AMY2A: variants seen among roughly 807,000 people sequenced by gnomAD.
The protein encoded by AMY2A is amylase alpha 2A, also known as pancreatic alpha-amylase.
Under a neutral mutation model 43.0 loss-of-function variants are expected in AMY2A, and 16 were observed. The observed-to-expected ratio is 0.37, with a 90% CI of 0.25 to 0.56. The LOEUF (loss-of-function observed/expected upper bound fraction) is 0.56. Among genes scored for constraint, AMY2A ranks in the 20% least tolerant of loss-of-function variants. The pLI is 0.77. For missense variants in AMY2A, 212 were observed against 456.8 expected (o/e 0.46, Z 4.89); for synonymous variants, 70 against 144.6 (o/e 0.48, Z 3.70).
At position 103,617,985 on chromosome 1, in the gene AMY2A, A is replaced by G. The variant is rs1204675485; in HGVS notation, c.200A>G (p.Tyr67Cys). The change falls in exon 2 of 10, where the codon TAC becomes TGC. Residue 67 changes from tyrosine (Y) to cysteine (C), a missense_variant. Physicochemically the swap from Tyr to Cys is radical, Grantham distance 194 (BLOSUM62 -2). Around this residue, in one of 2 missense-constraint regions of AMY2A, gnomAD observed 199 missense variants for 210.6 expected, o/e 0.94. Coordinates refer to ENST00000414303, the MANE Select transcript of AMY2A (RefSeq NM_000699.4). ...VSPPNENVAI[Y>C]NPFRPWWERY... Reference sequence around the variant, plus strand: ...CCACCAAATGAAAATGTTGCAATTTACAACCCTTTCAGACCTTGGTGGGAA... The same window carrying G: ...CCACCAAATGAAAATGTTGCAATTTGCAACCCTTTCAGACCTTGGTGGGAA... 1.0e-5 allele frequency: 16 copies of G among 1,600,726 alleles called. No individual in the cohort carries two copies. The highest frequency in any genetic ancestry group is 1.4e-5 in the Non-Finnish European group (16 of 1,170,748).
At position 103,617,582 on chromosome 1, in the gene AMY2A, G is replaced by C; in HGVS notation, c.142G>C (p.Ala48Pro). 6.2e-7 allele frequency: 1 copy of C among 1,600,994 alleles called. No homozygotes were observed. The highest frequency in any genetic ancestry group is 8.5e-7 in the Non-Finnish European group (1 of 1,170,900). The part of the protein sequence containing the change: ...DIALECERYL[A>P]PKGFGGVQVS... ...TGCTCTTGAATGTGAGCGATATTTAGCTCCGAAGGGATTTGGAGGGGTTCA... is the reference window on the plus strand; with the variant it reads ...TGCTCTTGAATGTGAGCGATATTTACCTCCGAAGGGATTTGGAGGGGTTCA... Residue 48 changes from alanine to proline, a missense_variant, in exon 1 of 10, where the codon GCT (alanine) becomes CCT (proline). By Grantham distance (27) the Ala-to-Pro change is conservative. Transcript: ENST00000414303.
upstream of AMY2A, chr1:103,616,900 C>A (rs1653091742): frequency 5.3e-6 from 4 of 758,650 alleles, no homozygotes; most frequent in Non-Finnish European, 6.6e-6. Flanking sequence ...TGTCTAGAGG[C>A]TGGTAAGGGC....
intron 7 of AMY2A, among the ~76,000 whole-genome samples, chr1:103,623,482 G>T: frequency 1.3e-5 from 1 of 79,296 alleles, no homozygotes; most frequent in East Asian, 2.3e-4. Context: ...GGTTGCGGTG[G>T]TGCACACCAA....
In AMY2A at chr1:103,617,990, C is replaced by A. The variant is rs1653126156; in HGVS notation, c.205C>A (p.Pro69Thr). 9 of 1,600,318 alleles carry A rather than the reference C, an allele frequency of 5.6e-6. 2 individuals carry two copies. Among genetic ancestry groups the A allele is most frequent in the South Asian group, 5.5e-5 (5 of 90,860 alleles). The change falls in exon 2 of 10, where the codon CCT becomes ACT. Residue 69 changes from proline (P) to threonine (T), a missense_variant. Transcript: ENST00000414303. ...PPNENVAIYNPFRPWWERYQP... is the reference protein window; with the variant it reads ...PPNENVAIYNTFRPWWERYQP... ...AAATGAAAATGTTGCAATTTACAAC[C>A]CTTTCAGACCTTGGTGGGAAAGATA...
At chr1:103,618,764 A>C in intron 2 of AMY2A, 147 bp from the exon 3 acceptor site, 9 of 1,468,426 alleles carry the variant, frequency 6.1e-6, no homozygotes, top group Non-Finnish European at 8.4e-6. Context: ...TTCCTTTCAC[A>C]GTTGATTTTT....
At chr1:103,619,274 C>T (rs1570667850) in intron 3 of AMY2A, among the ~76,000 whole-genome samples, 166 bp downstream of exon 3, 1 of 149,512 alleles carries the variant, frequency 6.7e-6, no homozygotes, top group Non-Finnish European at 1.5e-5. Flanking sequence ...TAAGAACTTT[C>T]AAATATTGAT....
intron 3 of AMY2A, among the ~76,000 whole-genome samples, 183 bp downstream of exon 3, chr1:103,619,291 T>C (rs1271574691): frequency 6.6e-6 from 1 of 150,386 alleles, no homozygotes; most frequent in East Asian, 1.9e-4. Context: ...TGATTTAAGA[T>C]TTTTAATCAA....
Position 103,618,064 on chromosome 1 carries a change from A to C in AMY2A, c.279A>C (p.Glu93Asp). 6.2e-7 allele frequency: 1 copy of C among 1,600,554 alleles called. No individual in the cohort carries two copies. Among genetic ancestry groups the C allele is most frequent in the Non-Finnish European group, 8.5e-7 (1 of 1,170,596 alleles). Reference sequence around the variant, plus strand: ...GCACAAGATCTGGAAATGAAGATGAATTTAGAAACATGGTGACTAGATGTA... The same window carrying C: ...GCACAAGATCTGGAAATGAAGATGACTTTAGAAACATGGTGACTAGATGTA... ...KLCTRSGNED[E>D]FRNMVTRCNN... The change falls in exon 2 of 10, where the codon GAA becomes GAC. Residue 93 changes from glutamate to aspartate, a missense_variant. Transcript: ENST00000414303.
chr1:103,623,533 T>C (rs1653243363), intron 7 of AMY2A, among the ~76,000 whole-genome samples: 1 of 81,116 alleles, frequency 1.2e-5, no homozygotes, highest in Non-Finnish European at 2.4e-5. Context: ...GAGGATCGCT[T>C]GAGCCTGGGA....
chr1:103,617,731 A>T (rs1431897726), intron 1 of AMY2A, 123 bp downstream of exon 1: 7 of 1,559,910 alleles, frequency 4.5e-6, no homozygotes, highest in Non-Finnish European at 6.1e-6. Flanking sequence ...AGTAAAAGAG[A>T]TTTCTGAGGG....
At chr1:103,623,377 C>T (rs1251807846) in intron 7 of AMY2A, among the ~76,000 whole-genome samples, 4 of 118,228 alleles carry the variant, frequency 3.4e-5, no homozygotes, top group Non-Finnish European at 5.3e-5. Flanking sequence ...CCTAGTGAGG[C>T]GAGGCGAGAA....
chr1:103,619,936 A>T, intron 4 of AMY2A, 152 bp downstream of exon 4: 1 of 1,412,240 alleles, frequency 7.1e-7, no homozygotes, highest in Non-Finnish European at 9.6e-7. Flanking sequence ...CATACAGCAT[A>T]TCTAATTCTT....
At chr1:103,617,283 T>A, upstream of AMY2A, 3 of 1,417,584 alleles carry the variant, frequency 2.1e-6, 1 homozygote, top group Non-Finnish European at 2.9e-6. Flanking sequence ...TTTTTGATGT[T>A]CTTTACCTGT....
In AMY2A at chr1:103,617,954, G is replaced by A. The variant is rs1417818610; in HGVS notation, c.169G>A (p.Val57Ile). 1 of 1,600,324 alleles carries A rather than the reference G, an allele frequency of 6.2e-7. No homozygotes were observed. Among genetic ancestry groups the A allele is most frequent in the African/African-American group, 1.3e-5 (1 of 74,608 alleles). Residue 57 changes from valine (V) to isoleucine (I), a missense_variant and splice_region_variant, in exon 2 of 10, where the codon GTC becomes ATC. By Grantham distance (29) the Val-to-Ile change is conservative. Coordinates refer to ENST00000414303, the MANE Select transcript of AMY2A (RefSeq NM_000699.4). ...CTTATGAAGACTGTTTAATTTGTAG[G>A]TCTCTCCACCAAATGAAAATGTTGC... ...LAPKGFGGVQ[V>I]SPPNENVAIY...
rs770683804 is a variant in AMY2A, at chr1:103,617,883, T to G, written c.169-71T>G. The G allele has an allele frequency of 5.0e-6, 8 of 1,592,540 alleles. 1 individual carries two copies. The African/African-American group carries it at 5.4e-5, about 11-fold the overall frequency. The stretch of plus-strand genomic sequence containing the variant: ...TTCAAGAATCTTTTATACTATTGAT[T>G]AGTTTCTAGAACATTCAATGATACA... On this transcript the variant is annotated intron_variant, in intron 1 of 9. Transcript: ENST00000414303.
In AMY2A at chr1:103,620,665, GAGA is replaced by G. The variant is rs1241806577; in HGVS notation, c.863_865del (p.Lys288del). The G allele has an allele frequency of 4.6e-6, 7 of 1,507,928 alleles. No individual in the cohort carries two copies. Among genetic ancestry groups the G allele is most frequent in the East Asian group, 4.6e-5 (2 of 43,566 alleles). 93.4% of individuals were successfully genotyped at this position (1,507,928 alleles called of 1,614,324 possible). ...CACAGTTATTCGCAAGTGGAATGGA[GAGA>G]AGATGTCTTACTTAAAGTAAATAAA... is the stretch of plus-strand genomic sequence containing the variant. On this transcript the variant is annotated inframe_deletion, in exon 5 of 10. Coordinates refer to ENST00000414303, the MANE Select transcript of AMY2A (RefSeq NM_000699.4).
chr1:103,618,099 G>A lies in AMY2A; in HGVS notation c.314G>A (p.Gly105Glu). The change falls in exon 2 of 10, where the codon GGG becomes GAG. Residue 105 changes from glycine (G) to glutamate (E), a missense_variant and splice_region_variant. Physicochemically the swap from Gly to Glu is moderately conservative, Grantham distance 98 (BLOSUM62 -2). Transcript: ENST00000414303. ...RNMVTRCNNVGVRIYVDAVIN... is the reference protein window; with the variant it reads ...RNMVTRCNNVEVRIYVDAVIN... The stretch of plus-strand genomic sequence containing the variant: ...ATGGTGACTAGATGTAACAATGTTG[G>A]GGTAAGTGAATTCTAGTTTCCTTTA... The A allele has an allele frequency of 6.3e-7, 1 of 1,595,726 alleles. No individual in the cohort carries two copies. The highest frequency in any genetic ancestry group is 8.6e-7 in the Non-Finnish European group (1 of 1,167,274).
rs1466470843 is a variant in AMY2A at position 103,625,000 on chromosome 1, T to G, written c.1347-557T>G. Among the ~76,000 whole-genome samples, 2 of 130,018 alleles carry G rather than the reference T, an allele frequency of 1.5e-5. 1 individual carries two copies. The highest frequency in any genetic ancestry group is 3.3e-5 in the Non-Finnish European group (2 of 59,722). 85.3% of individuals were successfully genotyped at this position (130,018 alleles called of 152,430 possible). On this transcript the variant is annotated intron_variant, in intron 9 of 9. Transcript: ENST00000414303. ...TAAATACATCAATATACAAGTCAAG[T>G]TGATCTCTTTCCTGCCAAAAAAGCC...
intron 2 of AMY2A, 106 bp from the exon 3 acceptor site, chr1:103,618,805 A>G: frequency 7.0e-7 from 1 of 1,426,928 alleles, no homozygotes; most frequent in South Asian, 1.3e-5. Flanking sequence ...ATAAGATATC[A>G]TGAAATATTT....
Sources: gnomAD v4.1 joint callset for allele counts (sites outside exome capture counted in the v4.1 genomes callset) on GRCh38, gnomAD v4.1.1 for gene constraint, gnomAD v4.1.1 regional missense constraint, MANE v1.5 for transcripts, NCBI Gene and HGNC (gene_info 2026-07-23, HGNC 2026-07-21) for gene names.